The following FRYL variants were observed in gnomAD, a reference collection of about 807,000 sequenced individuals.
FRYL encodes protein furry homolog-like.
Under a neutral mutation model 351.2 loss-of-function variants are expected in FRYL, and 150 were observed. That is an observed-to-expected ratio of 0.43 (90% CI 0.37 to 0.49). The LOEUF (loss-of-function observed/expected upper bound fraction) is 0.49, where lower values mean the gene tolerates loss of function less well. FRYL is among the 20% of genes least tolerant of loss of function. FRYL has a pLI of 0.00. For synonymous variants in FRYL, 1,153 were observed against 1,257.1 expected (o/e 0.92, Z 1.75); for missense variants, 3,036 against 3,619.3 (o/e 0.84, Z 4.13).
At chr4:48,608,410 A>G (rs1254311660) in intron 9 of FRYL, among the ~76,000 whole-genome samples, 1 of 152,210 alleles carries the variant, frequency 6.6e-6, no homozygotes, top group Admixed American at 6.5e-5. Flanking sequence ...AAAATCTTCC[A>G]TAATTGTTAC....
In FRYL at chr4:48,521,950, T is replaced by C. The variant is rs189868466; in HGVS notation, c.7522-735A>G. 2.8e-4 allele frequency among the ~76,000 whole-genome samples: 43 copies of C among 152,192 alleles called. No individual in the cohort carries two copies. The East Asian group carries it at 6.2e-3, about 22-fold the overall frequency. ...CCATTCAACATCACTGCCAGCACTT[T>C]ACCAGCAGGCCGAGTGGAGCAAATG... On this transcript the variant is annotated intron_variant, in intron 54 of 63. Transcript: ENST00000358350.
At chr4:48,562,494 A>T (rs1221387605) in intron 32 of FRYL, among the ~76,000 whole-genome samples, 1 of 152,222 alleles carries the variant, frequency 6.6e-6, no homozygotes, top group East Asian at 1.9e-4. Context: ...TTTCTCCTCA[A>T]CCTAATAAAG....
intron 62 of FRYL, among the ~76,000 whole-genome samples, chr4:48,500,601 T>A (rs1719348072): frequency 6.6e-6 from 1 of 152,182 alleles, no homozygotes; most frequent in Admixed American, 6.5e-5. Context: ...ATATAAAAAA[T>A]AAATACATGT....
intron 59 of FRYL, among the ~76,000 whole-genome samples, chr4:48,507,706 A>ATAGC (rs1457774210): frequency 6.6e-6 from 1 of 151,492 alleles, no homozygotes; most frequent in African/African-American, 2.4e-5. Flanking sequence ...GTTTTCAAAG[A>ATAGC]TAGATAGATG....
intron 1 of FRYL, among the ~76,000 whole-genome samples, chr4:48,767,983 T>C (rs750619525): frequency 2.2e-4 from 33 of 152,194 alleles, no homozygotes; most frequent in Non-Finnish European, 3.5e-4. Flanking sequence ...AATGTGGCAG[T>C]CCACCCTAAA....
rs1732142330 is a variant in FRYL, at chr4:48,549,278, T to A, written c.4784+195A>T. 6.6e-6 allele frequency among the ~76,000 whole-genome samples: 1 copy of A among 152,206 alleles called. No homozygotes were observed. Among genetic ancestry groups the A allele is most frequent in the African/African-American group, 2.4e-5 (1 of 41,444 alleles). On this transcript the variant is annotated intron_variant, in intron 39 of 63. Transcript: ENST00000358350. This position sits in a 1 kb window ranked among gnomAD's most constrained non-coding sequence, Gnocchi z 4.2. ...CCAGAAAAGCAGCAGCAGAATTAGA[T>A]TTAATAATATTAATTTTATAAAGTT...
At chr4:48,545,919 C>A in intron 42 of FRYL, 148 bp downstream of exon 42, 1 of 694,820 alleles carries the variant, frequency 1.4e-6, no homozygotes, top group Non-Finnish European at 2.4e-6. Flanking sequence ...TTGATTGCAT[C>A]CTAATTTTCA....
chr4:48,573,475 TA>T (rs1738835401), intron 25 of FRYL, among the ~76,000 whole-genome samples: 1 of 152,250 alleles, frequency 6.6e-6, no homozygotes, highest in Admixed American at 6.5e-5. Flanking sequence ...GAGGGAATAC[TA>T]CCAATATTTT....
intron 5 of FRYL, among the ~76,000 whole-genome samples, chr4:48,622,156 T>C (rs561193311): frequency 1.3e-5 from 2 of 152,294 alleles, no homozygotes; most frequent in Non-Finnish European, 2.9e-5. Flanking sequence ...TATTAATCAT[T>C]TACAATAAAA....
Position 48,553,294 on chromosome 4 carries a change from G to A in FRYL, c.4356C>T (p.Val1452=), listed in dbSNP as rs527867821. Reference sequence around the variant, plus strand: ...TATCCATGTGAGTGACCCCTGAACTGACAGGATCGGTCAGCTGAAGCTCAC... The same window carrying A: ...TATCCATGTGAGTGACCCCTGAACTAACAGGATCGGTCAGCTGAAGCTCAC... ...LVSELQLTDP[V]SSGVTHMDNP... Residue 1452 remains valine (V), a synonymous_variant, in exon 36 of 64, where the codon GTC becomes GTT. Transcript: ENST00000358350. The A allele has an allele frequency of 1.5e-5, 25 of 1,613,288 alleles. No homozygotes were observed. In the South Asian group the frequency reaches 2.0e-4, roughly 13 times the overall value.
intron 1 of FRYL, among the ~76,000 whole-genome samples, chr4:48,730,495 T>C (rs1770601467): frequency 1.3e-5 from 2 of 152,166 alleles, no homozygotes; most frequent in South Asian, 4.1e-4. Context: ...AAGGCTGGGT[T>C]ACCCACAAAA....
intron 3 of FRYL, among the ~76,000 whole-genome samples, chr4:48,682,825 G>A (rs1764764228): frequency 6.6e-6 from 1 of 152,186 alleles, no homozygotes; most frequent in Non-Finnish European, 1.5e-5. Flanking sequence ...TCGTGGGAGT[G>A]TAAATTAGTT....
chr4:48,664,855 A>T lies in FRYL; in HGVS notation c.-81+19818T>A, dbSNP rs987149855. 2.1e-4 allele frequency among the ~76,000 whole-genome samples: 32 copies of T among 152,194 alleles called. 1 individual carries two copies. Among genetic ancestry groups the T allele is most frequent in the Admixed American group, 1.8e-3 (27 of 15,280 alleles). On this transcript the variant is annotated intron_variant, in intron 3 of 63. Coordinates refer to ENST00000358350, the MANE Select transcript of FRYL (RefSeq NM_015030.2). ...AAACAAAATAAACCACTCAATAATG[A>T]AGAGAATCTGTTGCTGAAACAGTTG...
At chr4:48,669,811 G>C (rs1265658629) in intron 3 of FRYL, among the ~76,000 whole-genome samples, 7 of 151,768 alleles carry the variant, frequency 4.6e-5, no homozygotes, top group Non-Finnish European at 1.0e-4. Flanking sequence ...TAAAGATCCT[G>C]ACCCTAAATT....
At chr4:48,678,082 T>C (rs1764013751) in intron 3 of FRYL, among the ~76,000 whole-genome samples, 1 of 152,184 alleles carries the variant, frequency 6.6e-6, no homozygotes, top group African/African-American at 2.4e-5. Flanking sequence ...AAATTTAGTA[T>C]CAAATCTTGA....
rs762135348 is a variant in FRYL, at chr4:48,499,447, C to T, written c.9017G>A (p.Gly3006Glu). 1 of 1,613,984 alleles carries T rather than the reference C, an allele frequency of 6.2e-7. No homozygotes were observed. Among genetic ancestry groups the T allele is most frequent in the Admixed American group, 1.7e-5 (1 of 60,022 alleles). ...TCAGAATCCAGTGCTCACCATATTTCCCATTGGTTTGGCCTGTGCTAGAAG... is the reference window on the plus strand; with the variant it reads ...TCAGAATCCAGTGCTCACCATATTTTCCATTGGTTTGGCCTGTGCTAGAAG... ...YQLLAQAKPM[G>E]NMVSTGF The change falls in exon 64 of 64, where the codon GGA becomes GAA. Residue 3006 changes from glycine to glutamate, a missense_variant. Coordinates refer to ENST00000358350, the MANE Select transcript of FRYL (RefSeq NM_015030.2).
At chr4:48,627,881 T>A (rs183581242) in intron 4 of FRYL, among the ~76,000 whole-genome samples, 64 of 152,246 alleles carry the variant, frequency 4.2e-4, no homozygotes, top group African/African-American at 1.4e-3. Context: ...AAGTGATTCT[T>A]CTGCCTCACC....
chr4:48,725,750 G>C (rs1278644918), intron 1 of FRYL, among the ~76,000 whole-genome samples: 1 of 152,104 alleles, frequency 6.6e-6, no homozygotes, highest in African/African-American at 2.4e-5. Flanking sequence ...ACTTAACAAT[G>C]GTCCCAAAGC....
intron 56 of FRYL, among the ~76,000 whole-genome samples, chr4:48,513,111 C>T (rs1200974397): frequency 6.6e-6 from 1 of 152,038 alleles, no homozygotes. Context: ...ATGTTAGGGG[C>T]CTCATATGGA....
Sources: allele counts gnomAD v4.1 joint callset (sites outside exome capture counted in the v4.1 genomes callset), GRCh38; gene constraint gnomAD v4.1.1; non-coding constraint Gnocchi (gnomAD v3.1); transcripts MANE v1.5; gene names NCBI Gene and HGNC (gene_info 2026-07-23, HGNC 2026-07-21).